Variants in CUX2 observed in about 807,000 individuals in gnomAD.
The protein encoded by CUX2 is homeobox protein cut-like 2.
A neutral mutation model predicts 144.8 loss-of-function variants in CUX2; 40 were observed. The observed-to-expected ratio is 0.28, with a 90% confidence interval of 0.21 to 0.36. The LOEUF (loss-of-function observed/expected upper bound fraction) is 0.36, where lower values mean the gene tolerates loss of function less well. Among genes scored for constraint, CUX2 ranks in the 10% least tolerant of loss-of-function variants. The probability of loss-of-function intolerance (pLI) is 1.00; values close to 1 mark genes in which losing one functional copy is unlikely to be tolerated. For synonymous variants in CUX2, 827 were observed against 875.6 expected, an observed-to-expected ratio of 0.94 and a Z score of 0.98; for missense variants, 1,615 against 1,994.0, an observed-to-expected ratio of 0.81 and a Z score of 3.62.
intron 1 of CUX2, among the ~76,000 whole-genome samples, chr12:111,098,124 G>A (rs2059156910): frequency 6.6e-6 from 1 of 152,164 alleles, no homozygotes; most frequent in Non-Finnish European, 1.5e-5. Context: ...CGGGAGCTGG[G>A]CGCTGTGGCT....
intron 3 of CUX2, among the ~76,000 whole-genome samples, chr12:111,244,238 C>A (rs1419703545): frequency 6.6e-6 from 1 of 152,118 alleles, no homozygotes; most frequent in Non-Finnish European, 1.5e-5. Context: ...CTGAGGCAGC[C>A]ATTGTGATGG....
At chr12:111,257,470 T>C (rs1265563) in intron 3 of CUX2, among the ~76,000 whole-genome samples, 1,397 of 3,532 alleles carry the variant, frequency 0.4, 10 homozygotes, top group Non-Finnish European at 0.48. Flanking sequence ...CCCCTCCCAC[T>C]TCTTCCTCCC....
At chr12:111,264,282 G>A (rs1053762609) in intron 4 of CUX2, among the ~76,000 whole-genome samples, 16 of 152,168 alleles carry the variant, frequency 1.1e-4, no homozygotes, top group African/African-American at 3.9e-4. Flanking sequence ...CCCCAGAAGA[G>A]CACATCCTGT....
intron 3 of CUX2, among the ~76,000 whole-genome samples, chr12:111,254,096 G>A (rs1360855764): frequency 6.6e-6 from 1 of 152,032 alleles, no homozygotes; most frequent in East Asian, 1.9e-4. Flanking sequence ...AGGAAATGGA[G>A]CAGTGTTTGG....
chr12:111,257,294 C>T (rs200202234), intron 3 of CUX2, among the ~76,000 whole-genome samples: 2 of 130,744 alleles, frequency 1.5e-5, no homozygotes, highest in Non-Finnish European at 3.3e-5. Context: ...CTCCTCCTCC[C>T]TCTTCCTCCC....
intron 1 of CUX2, among the ~76,000 whole-genome samples, chr12:111,141,052 T>C (rs1168506265): frequency 6.6e-6 from 1 of 152,142 alleles, no homozygotes; most frequent in Non-Finnish European, 1.5e-5. Context: ...ATGAGTCAGA[T>C]AAAGCCAGAA....
At chr12:111,137,747 C>T (rs934557924) in intron 1 of CUX2, among the ~76,000 whole-genome samples, 1 of 152,148 alleles carries the variant, frequency 6.6e-6, no homozygotes, top group African/African-American at 2.4e-5. Context: ...ACTTCTGGCC[C>T]CAAGCGATCC....
chr12:111,157,418 A>G (rs1877465758), intron 1 of CUX2, among the ~76,000 whole-genome samples: 1 of 151,920 alleles, frequency 6.6e-6, no homozygotes. Context: ...TTGAGAAGCT[A>G]TGGGAGGATT....
chr12:111,304,364 G>C lies in CUX2; in HGVS notation c.858+50G>C. On this transcript the variant is annotated intron_variant, in intron 10 of 21. Coordinates refer to ENST00000261726, the MANE Select transcript of CUX2 (RefSeq NM_015267.4). This position sits in a 1 kb window ranked among gnomAD's most constrained non-coding sequence, Gnocchi z 4.7. The stretch of plus-strand genomic sequence containing the variant: ...GCAGGGAGGGCAGAGGGAAAGATCG[G>C]GAATGGCTGAGTTTGCAGGTTTCAG... The C allele has an allele frequency of 1.3e-6, 2 of 1,485,780 alleles. No individual in the cohort carries two copies. The highest frequency in any genetic ancestry group is 1.9e-6 in the Non-Finnish European group (2 of 1,074,860). The allele number at this position is 1,485,780 out of a possible 1,614,324, so 92.0% of individuals were successfully genotyped here.
chr12:111,188,777 C>T (rs1469523789), intron 1 of CUX2, among the ~76,000 whole-genome samples: 3 of 152,056 alleles, frequency 2.0e-5, no homozygotes, highest in South Asian at 2.1e-4. Flanking sequence ...GGCTGCGGAG[C>T]GGTAGGATCT....
chr12:111,108,780 T>G (rs377362662), intron 1 of CUX2, among the ~76,000 whole-genome samples: 16 of 151,812 alleles, frequency 1.1e-4, no homozygotes, highest in African/African-American at 3.1e-4. Flanking sequence ...TTTTTGCAAC[T>G]TTTTTTCTTG....
chr12:111,121,101 CAA>C (rs768230942), intron 1 of CUX2, among the ~76,000 whole-genome samples: 7,830 of 81,628 alleles, frequency 0.096, 693 homozygotes, highest in African/African-American at 0.24. Context: ...GTTGTTACCA[CAA>C]AAAAAAAAAA....
chr12:111,257,262 C>A (rs565921840), intron 3 of CUX2, among the ~76,000 whole-genome samples: 7 of 139,154 alleles, frequency 5.0e-5, no homozygotes, highest in Admixed American at 7.1e-5. Context: ...TTTCCCCCTC[C>A]TCCTCCCTTT....
At position 111,068,342 on chromosome 12, in the gene CUX2, G is replaced by A. The variant is rs1348077068; in HGVS notation, c.63+34102G>A. On this transcript the variant is annotated intron_variant, in intron 1 of 21. Coordinates refer to ENST00000261726, the MANE Select transcript of CUX2 (RefSeq NM_015267.4). This position sits in a 1 kb window ranked among gnomAD's most constrained non-coding sequence, Gnocchi z 4.9. The stretch of plus-strand genomic sequence containing the variant: ...CCAAAATAACTCTCACAATGCACAG[G>A]GAAAAGTGCTTCCTGTGGATGAATG... Among the ~76,000 whole-genome samples the A allele has an allele frequency of 6.6e-6, 1 of 152,156 alleles. No homozygotes were observed. Among genetic ancestry groups the A allele is most frequent in the African/African-American group, 2.4e-5 (1 of 41,426 alleles).
Position 111,330,714 on chromosome 12 carries a change from T to C in CUX2, c.2927-3727T>C, listed in dbSNP as rs4766503. Among the ~76,000 whole-genome samples the C allele has an allele frequency of 5.0e-3, 183 of 36,368 alleles. 3 individuals are homozygous for C. The highest frequency in any genetic ancestry group is 0.022 in the African/African-American group (138 of 6,160). 23.9% of individuals were successfully genotyped at this position (36,368 alleles called of 152,430 possible). A position where few individuals can be genotyped will look rare whatever the true frequency, so the allele number is the denominator to read the frequency against. ...ATATATATATATATATATATATATA[T>C]ATATATATATATATATATATATATA... On this transcript the variant is annotated intron_variant, in intron 18 of 21. Transcript: ENST00000261726.
intron 1 of CUX2, among the ~76,000 whole-genome samples, chr12:111,098,094 C>T (rs1347448967): frequency 2.0e-5 from 3 of 152,072 alleles, no homozygotes; most frequent in South Asian, 2.1e-4. Context: ...AGAGGAGGGT[C>T]GTAGGGGTAA....
intron 1 of CUX2, among the ~76,000 whole-genome samples, chr12:111,183,535 C>T (rs1879325704): frequency 6.6e-6 from 1 of 152,202 alleles, no homozygotes; most frequent in Non-Finnish European, 1.5e-5. Context: ...TGCTTCGAGC[C>T]AGGATAGCAT....
At chr12:111,048,767 G>T (rs2136009356) in intron 1 of CUX2, among the ~76,000 whole-genome samples, 1 of 152,316 alleles carries the variant, frequency 6.6e-6, no homozygotes, top group South Asian at 2.1e-4. Context: ...AGGGGGTCGT[G>T]TGCTGACTTT....
intron 18 of CUX2, among the ~76,000 whole-genome samples, chr12:111,329,064 G>C (rs1455317385): frequency 7.6e-6 from 1 of 131,778 alleles, no homozygotes; most frequent in African/African-American, 2.8e-5. Context: ...CTCCCCCTCT[G>C]TTTGCTCTGT....
Sources: allele counts gnomAD v4.1 joint callset (sites outside exome capture counted in the v4.1 genomes callset), GRCh38; gene constraint gnomAD v4.1.1; non-coding constraint Gnocchi (gnomAD v3.1); transcripts MANE v1.5; gene names NCBI Gene and HGNC (gene_info 2026-07-23, HGNC 2026-07-21).